The following DNAAF9 variants were observed in gnomAD, a reference collection of about 807,000 sequenced individuals.
DNAAF9 encodes shulin.
Under a neutral mutation model 167.0 loss-of-function variants are expected in DNAAF9, and 90 were observed. The observed-to-expected ratio is 0.54, with a 90% confidence interval of 0.45 to 0.64. The LOEUF (loss-of-function observed/expected upper bound fraction) is 0.64, where lower values mean the gene tolerates loss of function less well. Among genes scored for constraint, DNAAF9 ranks in the 30% least tolerant of loss-of-function variants. The pLI is 0.00. For missense variants in DNAAF9, 1,315 were observed against 1,442.2 expected (o/e 0.91, Z 1.43); for synonymous variants, 491 against 508.8 (o/e 0.96, Z 0.47).
intron 26 of DNAAF9, among the ~76,000 whole-genome samples, chr20:3,289,520 T>A (rs904715987): frequency 6.6e-6 from 1 of 151,940 alleles, no homozygotes; most frequent in Admixed American, 6.6e-5. Context: ...TATTTTCTGT[T>A]TTTTTGTTTT....
At position 3,287,768 on chromosome 20, in the gene DNAAF9, T is replaced by A. The variant is rs371286231; in HGVS notation, c.2350A>T (p.Met784Leu). ...GCATGAAAACATTCAGAGCTGTCCA[T>A]GATTTGGCGATACACCATCCATCTG... ...CGRWMVYRQI[M>L]DSSECFHAAH... Residue 784 changes from methionine to leucine, a missense_variant, in exon 27 of 37, where the codon ATG becomes TTG. Met to Leu is a conservative substitution (Grantham distance 15, BLOSUM62 2). Around this residue, in one of 2 missense-constraint regions of DNAAF9, gnomAD observed 981 missense variants for 1,012.5 expected, o/e 0.97. Coordinates refer to ENST00000252032, the MANE Select transcript of DNAAF9 (RefSeq NM_001009984.3). 1 of 1,614,096 alleles carries A rather than the reference T, an allele frequency of 6.2e-7. No homozygotes were observed. Among genetic ancestry groups the A allele is most frequent in the African/African-American group, 1.3e-5 (1 of 74,940 alleles).
At chr20:3,280,783 T>C (rs1568575032) in intron 28 of DNAAF9, among the ~76,000 whole-genome samples, 1 of 151,424 alleles carries the variant, frequency 6.6e-6, no homozygotes, top group African/African-American at 2.4e-5. Flanking sequence ...ACCTGGTTAA[T>C]TTATTTTTTT....
chr20:3,304,070 T>G (rs1481307791), intron 21 of DNAAF9, among the ~76,000 whole-genome samples: 1 of 152,132 alleles, frequency 6.6e-6, no homozygotes, highest in Non-Finnish European at 1.5e-5. Flanking sequence ...CCTTTCTGAT[T>G]TTTCAGTGGG....
intron 16 of DNAAF9, among the ~76,000 whole-genome samples, chr20:3,319,632 C>A (rs1280059308): frequency 6.6e-6 from 1 of 152,106 alleles, no homozygotes; most frequent in Non-Finnish European, 1.5e-5. Flanking sequence ...GTCGTCCTAG[C>A]CTGGGACGCC....
chr20:3,343,743 C>T lies in DNAAF9; in HGVS notation c.790-12G>A. The T allele has an allele frequency of 6.2e-7, 1 of 1,604,686 alleles. No individual in the cohort carries two copies. Among genetic ancestry groups the T allele is most frequent in the East Asian group, 2.2e-5 (1 of 44,800 alleles). ...TAACTTCTGAATGGCTAAAAAGAAG[C>T]CAACATTGTATATATTAAGAACACA... On this transcript the variant is annotated splice_polypyrimidine_tract_variant and intron_variant, in intron 8 of 36. Transcript: ENST00000252032.
At chr20:3,262,024 T>C (rs1046424940) in intron 31 of DNAAF9, among the ~76,000 whole-genome samples, 1 of 152,144 alleles carries the variant, frequency 6.6e-6, no homozygotes, top group Non-Finnish European at 1.5e-5. Context: ...GAGCATATCC[T>C]GGAACTAAAG....
intron 6 of DNAAF9, among the ~76,000 whole-genome samples, chr20:3,362,998 G>A (rs1330515445): frequency 2.0e-5 from 3 of 152,156 alleles, no homozygotes; most frequent in African/African-American, 7.2e-5. Flanking sequence ...GGAGGCCGAG[G>A]CGGGCAGATC....
At chr20:3,345,848 A>C (rs1016230702) in intron 8 of DNAAF9, among the ~76,000 whole-genome samples, 1 of 151,978 alleles carries the variant, frequency 6.6e-6, no homozygotes, top group African/African-American at 2.4e-5. Context: ...ACTCTTAAAA[A>C]CCAGGGCACA....
chr20:3,396,745 A>C (rs1232986894), intron 1 of DNAAF9, among the ~76,000 whole-genome samples: 1 of 152,100 alleles, frequency 6.6e-6, no homozygotes, highest in Non-Finnish European at 1.5e-5. Context: ...TGAGGAAGAG[A>C]GTTGCAGGAG....
At chr20:3,280,695 A>C (rs1024588284) in intron 28 of DNAAF9, among the ~76,000 whole-genome samples, 5 of 152,062 alleles carry the variant, frequency 3.3e-5, no homozygotes, top group Non-Finnish European at 5.9e-5. Flanking sequence ...AGCTCACTGC[A>C]GCCTCAACCT....
intron 30 of DNAAF9, among the ~76,000 whole-genome samples, chr20:3,267,991 C>T (rs111883601): frequency 0.042 from 6,286 of 148,242 alleles, 187 homozygotes; most frequent in African/African-American, 0.086. Flanking sequence ...CTTGGTGTGG[C>T]TGTTATTACT....
intron 6 of DNAAF9, among the ~76,000 whole-genome samples, chr20:3,373,066 T>A (rs140588366): frequency 1.3e-5 from 2 of 152,214 alleles, no homozygotes; most frequent in South Asian, 4.1e-4. Context: ...CTGCTACTTG[T>A]AGTCAATGTG....
In DNAAF9 at chr20:3,290,580, C is replaced by T. The variant is rs1459462212; in HGVS notation, c.2239-363G>A. Reference sequence around the variant, plus strand: ...ACCTGCTTGAGACCACAGATCTCTTCTGTAAAGCAGACATTCAGGGATATT... The same window carrying T: ...ACCTGCTTGAGACCACAGATCTCTTTTGTAAAGCAGACATTCAGGGATATT... On this transcript the variant is annotated intron_variant, in intron 25 of 36. Coordinates refer to ENST00000252032, the MANE Select transcript of DNAAF9 (RefSeq NM_001009984.3). Among the ~76,000 whole-genome samples the T allele has an allele frequency of 3.3e-5, 5 of 152,146 alleles. No homozygotes were observed. In the South Asian group the frequency reaches 1.0e-3, roughly 32 times the overall value.
At chr20:3,390,449 T>C (rs2123272668) in intron 1 of DNAAF9, among the ~76,000 whole-genome samples, 1 of 151,284 alleles carries the variant, frequency 6.6e-6, no homozygotes, top group East Asian at 2.0e-4. Flanking sequence ...CACTGCAACC[T>C]CTACCTCCTG....
chr20:3,283,889 G>A (rs1004849185), intron 27 of DNAAF9, among the ~76,000 whole-genome samples: 2 of 152,184 alleles, frequency 1.3e-5, no homozygotes, highest in African/African-American at 2.4e-5. Context: ...CCCTTAGAGA[G>A]AGTGCCTGGG....
rs1310432636 is a variant in DNAAF9 at position 3,269,379 on chromosome 20, T to C, written c.2786+1048A>G. On this transcript the variant is annotated intron_variant, in intron 30 of 36. Coordinates refer to ENST00000252032, the MANE Select transcript of DNAAF9 (RefSeq NM_001009984.3). ...ATGCACAACCATGCTGGCTGTTTTT[T>C]TAAAAAACTGTTTTGGTAGAGACAG... Among the ~76,000 whole-genome samples the C allele has an allele frequency of 3.3e-5, 5 of 152,144 alleles. No individual in the cohort carries two copies. In the East Asian group the frequency reaches 7.7e-4, roughly 24 times the overall value.
intron 8 of DNAAF9, among the ~76,000 whole-genome samples, chr20:3,346,408 T>C (rs1180995368): frequency 6.6e-6 from 1 of 152,172 alleles, no homozygotes; most frequent in African/African-American, 2.4e-5. Flanking sequence ...AACCTCATTA[T>C]GTGCACATAC....
intron 3 of DNAAF9, among the ~76,000 whole-genome samples, chr20:3,378,125 C>T (rs1335294158): frequency 6.6e-6 from 1 of 152,156 alleles, no homozygotes; most frequent in Non-Finnish European, 1.5e-5. Flanking sequence ...TCTATGGGAC[C>T]AGACATAGCT....
At chr20:3,306,372 C>T (rs945822026) in intron 20 of DNAAF9, among the ~76,000 whole-genome samples, 2 of 152,192 alleles carry the variant, frequency 1.3e-5, no homozygotes, top group South Asian at 4.1e-4. Context: ...AGGGCAGATC[C>T]TCTGGGACAG....
Sources: gnomAD v4.1 joint callset for allele counts (sites outside exome capture counted in the v4.1 genomes callset) on GRCh38, gnomAD v4.1.1 for gene constraint, gnomAD v4.1.1 regional missense constraint, MANE v1.5 for transcripts, NCBI Gene and HGNC (gene_info 2026-07-23, HGNC 2026-07-21) for gene names.